NEBL: variants seen among roughly 807,000 people sequenced by gnomAD.
NEBL encodes nebulette, also known as LIM and SH3 protein 2.
In NEBL, 122 loss-of-function variants were observed where a neutral mutation model predicts 140.2. The observed-to-expected ratio is 0.87, with a 90% CI of 0.75 to 1.01. The LOEUF (loss-of-function observed/expected upper bound fraction) is 1.01. Ranked by LOEUF, NEBL falls within the 50% of genes least tolerant of loss-of-function variation. The pLI, the probability that NEBL is intolerant of heterozygous loss-of-function variation, is 0.00. For missense variants in NEBL, 1,365 were observed against 1,231.3 expected, an observed-to-expected ratio of 1.11 and a Z score of -1.62; for synonymous variants, 436 against 398.9, an observed-to-expected ratio of 1.09 and a Z score of -1.11.
At chr10:21,286,460 A>G (rs1843056141) in intron 1 of NEBL, among the ~76,000 whole-genome samples, 1 of 152,228 alleles carries the variant, frequency 6.6e-6, no homozygotes, top group African/African-American at 2.4e-5. Context: ...TTCTGTTACT[A>G]AACATGTTAT....
intron 3 of NEBL, among the ~76,000 whole-genome samples, chr10:21,210,652 C>T (rs1044281954): frequency 1.3e-5 from 2 of 152,098 alleles, no homozygotes; most frequent in Non-Finnish European, 1.5e-5. Context: ...TCTTGTAAGG[C>T]CTGTAAATAG....
intron 14 of NEBL, among the ~76,000 whole-genome samples, chr10:20,834,339 G>A (rs1305195324): frequency 6.6e-6 from 1 of 152,156 alleles, no homozygotes; most frequent in Non-Finnish European, 1.5e-5. Flanking sequence ...GAGAACAGAA[G>A]TAGGAAAGGG....
chr10:21,225,664 C>T (rs1209769586), intron 3 of NEBL, among the ~76,000 whole-genome samples: 3 of 152,204 alleles, frequency 2.0e-5, no homozygotes, highest in Admixed American at 1.3e-4. Context: ...TGGCCACCAC[C>T]TCCCCAGGTT....
chr10:21,125,031 C>T (rs1374836901), intron 2 of NEBL, among the ~76,000 whole-genome samples: 2 of 152,116 alleles, frequency 1.3e-5, no homozygotes, highest in East Asian at 1.9e-4. Flanking sequence ...TGAGAGGTGA[C>T]GGGGCAAGGC....
intron 7 of NEBL, among the ~76,000 whole-genome samples, chr10:20,860,381 A>C (rs1270433964): frequency 1.3e-5 from 2 of 151,870 alleles, no homozygotes; most frequent in African/African-American, 4.8e-5. Context: ...AATTCCACTA[A>C]ATTCAGCAGG....
chr10:20,845,857 A>C (rs1841884180), intron 11 of NEBL, among the ~76,000 whole-genome samples: 2 of 152,194 alleles, frequency 1.3e-5, no homozygotes, highest in Non-Finnish European at 2.9e-5. Context: ...AAATGTAATG[A>C]TGCCTGAGGG....
intron 9 of NEBL, among the ~76,000 whole-genome samples, chr10:20,855,105 T>A (rs1842927711): frequency 6.6e-6 from 1 of 151,232 alleles, no homozygotes; most frequent in Non-Finnish European, 1.5e-5. Flanking sequence ...CACCTAGTAG[T>A]AGTAGTCCCA....
intron 3 of NEBL, among the ~76,000 whole-genome samples, chr10:21,208,963 A>T (rs1418057506): frequency 2.6e-5 from 4 of 152,188 alleles, no homozygotes; most frequent in African/African-American, 9.7e-5. Context: ...AACTATGGTG[A>T]CTCGGCCAAA....
At chr10:21,027,213 C>T (rs1364010532) in intron 2 of NEBL, among the ~76,000 whole-genome samples, 22 of 151,916 alleles carry the variant, frequency 1.4e-4, no homozygotes, top group Admixed American at 1.4e-3. Flanking sequence ...TGAGGATGTT[C>T]TTGGGGACCC....
chr10:21,110,743 C>G (rs984029657), intron 2 of NEBL: 1 of 502,660 alleles, frequency 2.0e-6, no homozygotes, highest in East Asian at 4.7e-5. Context: ...CAAAGATTAT[C>G]GCTTTAAAGT....
At chr10:21,024,181 A>T (rs1248305956) in intron 2 of NEBL, among the ~76,000 whole-genome samples, 1 of 152,066 alleles carries the variant, frequency 6.6e-6, no homozygotes, top group Non-Finnish European at 1.5e-5. Flanking sequence ...ACTGATATCT[A>T]GGACTAGAAA....
chr10:20,919,009 A>G (rs528289232), intron 4 of NEBL, among the ~76,000 whole-genome samples: 3 of 152,296 alleles, frequency 2.0e-5, no homozygotes, highest in Admixed American at 2.0e-4. Flanking sequence ...TCAGTAGTAG[A>G]ATTCTGGAAT....
At chr10:21,122,669 G>T (rs1259972347) in intron 2 of NEBL, among the ~76,000 whole-genome samples, 1 of 152,160 alleles carries the variant, frequency 6.6e-6, no homozygotes, top group African/African-American at 2.4e-5. Flanking sequence ...CAGAGTTTGG[G>T]TTTGGAGATC....
chr10:21,261,994 C>T (rs185932161), intron 1 of NEBL, among the ~76,000 whole-genome samples: 28 of 152,186 alleles, frequency 1.8e-4, no homozygotes, highest in African/African-American at 6.5e-4. Context: ...TGAGCAGAGG[C>T]CTAAGGATTT....
chr10:20,978,863 T>C (rs1485536081), intron 3 of NEBL, among the ~76,000 whole-genome samples: 5 of 151,884 alleles, frequency 3.3e-5, no homozygotes, highest in African/African-American at 9.7e-5. Context: ...TGTCTCCATA[T>C]CTACCCCTAG....
At chr10:21,018,441 C>T (rs534583223) in intron 3 of NEBL, among the ~76,000 whole-genome samples, 2 of 152,208 alleles carry the variant, frequency 1.3e-5, no homozygotes, top group East Asian at 1.9e-4. Flanking sequence ...GTGTTCTTGC[C>T]GGCCTCCATA....
At chr10:20,812,668 A>G (rs938922192) in intron 24 of NEBL, 101 bp downstream of exon 24, 2 of 1,418,724 alleles carry the variant, frequency 1.4e-6, no homozygotes, top group Non-Finnish European at 2.0e-6. Context: ...CACAACCAAC[A>G]TGTGATGAGG....
At position 20,826,442 on chromosome 10, in the gene NEBL, C is replaced by T. The variant is rs1346776842; in HGVS notation, c.1869+5G>A. On this transcript the variant is annotated splice_donor_5th_base_variant and intron_variant, in intron 18 of 27. Coordinates refer to ENST00000377122, the MANE Select transcript of NEBL (RefSeq NM_006393.3). ...AAAAGATAATTAATGCTGTAGAGAA[C>T]TTACTGAACTAATATTCTGCTGATT... The T allele has an allele frequency of 1.9e-6, 3 of 1,600,696 alleles. No homozygotes were observed. The highest frequency in any genetic ancestry group is 2.7e-5 in the African/African-American group (2 of 74,716).
At chr10:21,036,430 G>A (rs954772087) in intron 2 of NEBL, among the ~76,000 whole-genome samples, 2 of 151,884 alleles carry the variant, frequency 1.3e-5, no homozygotes, top group African/African-American at 4.8e-5. Flanking sequence ...CTCCAGTCTG[G>A]GCAACACGGC....
Sources: gnomAD v4.1 joint callset for allele counts (sites outside exome capture counted in the v4.1 genomes callset) on GRCh38, gnomAD v4.1.1 for gene constraint, MANE v1.5 for transcripts, NCBI Gene and HGNC (gene_info 2026-07-23, HGNC 2026-07-21) for gene names.